The following NSUN6 variants were observed in gnomAD, a reference collection of about 807,000 sequenced individuals.
NSUN6 encodes the protein NOP2/Sun RNA methyltransferase 6, also known as tRNA (cytosine(72)-C(5))-methyltransferase NSUN6.
In NSUN6, 64 loss-of-function variants were observed where a neutral mutation model predicts 58.0. That is an observed-to-expected ratio of 1.10 (90% confidence interval 0.90 to 1.36). The LOEUF (loss-of-function observed/expected upper bound fraction) is 1.36, where lower values mean the gene tolerates loss of function less well. NSUN6 is among the 40% of genes most tolerant of loss of function. The pLI is 0.00. For synonymous variants in NSUN6, 231 were observed against 193.9 expected, an observed-to-expected ratio of 1.19 and a Z score of -1.59; for missense variants, 701 against 550.1, an observed-to-expected ratio of 1.27 and a Z score of -2.74.
At chr10:18,564,374 C>T (rs1355828512) in intron 8 of NSUN6, among the ~76,000 whole-genome samples, 1 of 151,336 alleles carries the variant, frequency 6.6e-6, no homozygotes. Context: ...ATTCTCCATT[C>T]CATTCCATTC....
At position 18,642,510 on chromosome 10, in the gene NSUN6, G is replaced by C; in HGVS notation, c.277C>G (p.Gln93Glu). The change falls in exon 3 of 11, where the codon CAA (glutamine) becomes GAA (glutamate). Residue 93 changes from glutamine to glutamate, a missense_variant. Physicochemically the swap from Gln to Glu is conservative, Grantham distance 29 (BLOSUM62 2). Transcript: ENST00000377304. ...SVPILQHPDL[Q>E]DVLLIPVIGP... ...ATAACAGGAATAAGTAACACATCTT[G>C]AAGGTCTGGATGTTGAAGAATAGGA... is the stretch of plus-strand genomic sequence containing the variant. 1 of 1,560,498 alleles carries C rather than the reference G, an allele frequency of 6.4e-7. No individual in the cohort carries two copies.
intron 8 of NSUN6, among the ~76,000 whole-genome samples, chr10:18,558,028 T>C (rs573313311): frequency 3.4e-5 from 5 of 148,508 alleles, no homozygotes; most frequent in Non-Finnish European, 6.0e-5. Flanking sequence ...TGAAATGAAA[T>C]AGAATGGAGA....
intron 8 of NSUN6, among the ~76,000 whole-genome samples, chr10:18,580,462 G>T (rs960784966): frequency 1.3e-5 from 2 of 152,142 alleles, no homozygotes; most frequent in African/African-American, 4.8e-5. Context: ...ATGTGCCCCA[G>T]TTCCACCTTG....
At chr10:18,652,540 C>A (rs921677873), upstream of NSUN6, 2 of 984,492 alleles carry the variant, frequency 2.0e-6, no homozygotes, top group African/African-American at 3.5e-5. Context: ...CACACAACAA[C>A]CTGCAAGTTG....
At position 18,616,213 on chromosome 10, in the gene NSUN6, T is replaced by C. The variant is rs765333465; in HGVS notation, c.392A>G (p.Tyr131Cys). Reference sequence around the variant, plus strand: ...TGATGCTGACACAATTCCTGGGGCATAGACATGGGCTCCTCTTAAAACTGC... The same window carrying C: ...TGATGCTGACACAATTCCTGGGGCACAGACATGGGCTCCTCTTAAAACTGC... Reference protein sequence around the residue: ...GNAVLRGAHVYAPGIVSASQF... With the variant: ...GNAVLRGAHVCAPGIVSASQF... Residue 131 changes from tyrosine to cysteine, a missense_variant, in exon 4 of 11, where the codon TAT becomes TGT. Coordinates refer to ENST00000377304, the MANE Select transcript of NSUN6 (RefSeq NM_182543.5). 9 of 1,599,802 alleles carry C rather than the reference T, an allele frequency of 5.6e-6. No homozygotes were observed. The African/African-American group carries it at 1.1e-4, about 19-fold the overall frequency.
upstream of NSUN6, chr10:18,652,570 T>C (rs1405477476): frequency 9.4e-5 from 16 of 170,092 alleles, no homozygotes; most frequent in Non-Finnish European, 1.4e-4. Flanking sequence ...TTCTCTGCTC[T>C]TTTTTTTTTT....
Position 18,651,506 on chromosome 10 carries a change from C to A in NSUN6, c.-303G>T. On this transcript the variant is annotated 5_prime_UTR_variant, in exon 1 of 11. Transcript: ENST00000377304. ...AAAGAACCAAAAAAAGAAAAAAATG[C>A]TTAGTAACTGAATCCGTGGTGAAAC... 1 of 1,063,722 alleles carries A rather than the reference C, an allele frequency of 9.4e-7. No individual in the cohort carries two copies. The highest frequency in any genetic ancestry group is 1.1e-6 in the Non-Finnish European group (1 of 881,674). The allele number at this position is 1,063,722 out of a possible 1,614,324, so 65.9% of individuals were successfully genotyped here. A position where few individuals can be genotyped will look rare whatever the true frequency, so the allele number is the denominator to read the frequency against.
intron 3 of NSUN6, among the ~76,000 whole-genome samples, chr10:18,628,347 C>T (rs1446653877): frequency 2.0e-5 from 3 of 152,096 alleles, no homozygotes; most frequent in Non-Finnish European, 4.4e-5. Context: ...AAGCAGAGCA[C>T]CTCTCCTCCT....
intron 7 of NSUN6, among the ~76,000 whole-genome samples, chr10:18,594,315 T>C (rs1389375296): frequency 6.6e-6 from 1 of 152,222 alleles, no homozygotes; most frequent in East Asian, 1.9e-4. Flanking sequence ...TTGCTTTGTT[T>C]TCCCTTTTCT....
At chr10:18,584,174 A>G (rs1264656210) in intron 8 of NSUN6, among the ~76,000 whole-genome samples, 1 of 152,206 alleles carries the variant, frequency 6.6e-6, no homozygotes, top group Non-Finnish European at 1.5e-5. Flanking sequence ...CCAGGAGGAC[A>G]TATCGAAATC....
chr10:18,634,715 C>T (rs2059154237), intron 3 of NSUN6, among the ~76,000 whole-genome samples: 1 of 151,932 alleles, frequency 6.6e-6, no homozygotes, highest in Non-Finnish European at 1.5e-5. Flanking sequence ...TGAGCTCCTG[C>T]CACTGCACTC....
At chr10:18,625,574 A>G (rs1375827521) in intron 3 of NSUN6, among the ~76,000 whole-genome samples, 3 of 151,948 alleles carry the variant, frequency 2.0e-5, no homozygotes, top group African/African-American at 7.2e-5. Flanking sequence ...TCAGCCGGGT[A>G]TGGTGGTGGG....
chr10:18,630,621 A>G (rs1451590135), intron 3 of NSUN6, among the ~76,000 whole-genome samples: 1 of 152,218 alleles, frequency 6.6e-6, no homozygotes, highest in East Asian at 1.9e-4. Flanking sequence ...AGAATACTAC[A>G]AACACCTCTA....
intron 3 of NSUN6, among the ~76,000 whole-genome samples, chr10:18,625,583 G>A (rs1478782070): frequency 6.6e-6 from 1 of 151,732 alleles, no homozygotes; most frequent in East Asian, 1.9e-4. Context: ...TATGGTGGTG[G>A]GCACCTGTAA....
At chr10:18,613,808 A>G (rs978239589) in intron 5 of NSUN6, among the ~76,000 whole-genome samples, 6 of 152,324 alleles carry the variant, frequency 3.9e-5, no homozygotes, top group African/African-American at 1.4e-4. Context: ...TTCTAAAGGG[A>G]GAAATTCACA....
At chr10:18,580,063 T>C (rs1231400170) in intron 8 of NSUN6, among the ~76,000 whole-genome samples, 1 of 152,142 alleles carries the variant, frequency 6.6e-6, no homozygotes, top group Non-Finnish European at 1.5e-5. Flanking sequence ...GTGTGTAATT[T>C]AGGAACAATT....
chr10:18,656,140 C>A (rs1184778120), upstream of NSUN6, among the ~76,000 whole-genome samples: 1 of 152,102 alleles, frequency 6.6e-6, no homozygotes, highest in Non-Finnish European at 1.5e-5. Context: ...TTACAGAAGG[C>A]GATCATATTG....
chr10:18,611,217 TAA>T (rs2058223625), intron 5 of NSUN6, among the ~76,000 whole-genome samples: 1 of 151,976 alleles, frequency 6.6e-6, no homozygotes, highest in African/African-American at 2.4e-5. Context: ...AAATTTTTTT[TAA>T]AAATCATAAC....
rs149266483 is a variant in NSUN6 at position 18,588,174 on chromosome 10, C to T, written c.778-2081G>A. 6.6e-5 allele frequency among the ~76,000 whole-genome samples: 10 copies of T among 152,260 alleles called. No homozygotes were observed. The East Asian group carries it at 1.2e-3, about 18-fold the overall frequency. The stretch of plus-strand genomic sequence containing the variant: ...GAGGTTTGGACTGGGAAGAATTGAC[C>T]GCAGCACAGCAAAGCAGTTGTGGCC... On this transcript the variant is annotated intron_variant, in intron 7 of 10. Coordinates refer to ENST00000377304, the MANE Select transcript of NSUN6 (RefSeq NM_182543.5).
Sources: gnomAD v4.1 joint callset for allele counts (sites outside exome capture counted in the v4.1 genomes callset) on GRCh38, gnomAD v4.1.1 for gene constraint, MANE v1.5 for transcripts, NCBI Gene and HGNC (gene_info 2026-07-23, HGNC 2026-07-21) for gene names.